The following TMEM229B variants were observed in gnomAD, a reference collection of about 807,000 sequenced individuals.
TMEM229B encodes the protein transmembrane protein 229B.
A neutral mutation model predicts 13.7 loss-of-function variants in TMEM229B; 6 were observed. That is an observed-to-expected ratio of 0.44 (90% CI 0.24 to 0.86). TMEM229B has a LOEUF of 0.86. Among genes scored for constraint, TMEM229B ranks in the 40% least tolerant of loss-of-function variants. The pLI is 0.23. For synonymous variants in TMEM229B, 107 were observed against 102.1 expected (o/e 1.05, Z -0.29); for missense variants, 170 against 236.0 (o/e 0.72, Z 1.83).
chr14:67,489,609 G>A (rs565290459), upstream of TMEM229B, among the ~76,000 whole-genome samples: 15 of 152,210 alleles, frequency 9.9e-5, no homozygotes, highest in Non-Finnish European at 2.1e-4. Context: ...TTGCGATGCC[G>A]TCCCACAACC....
In TMEM229B at chr14:67,526,278, T is replaced by A. The variant is rs576324406; in HGVS notation, c.-192+7358A>T. On this transcript the variant is annotated intron_variant, in intron 1 of 2. Transcript: ENST00000554278. ...GCTCTGTATCCCATCACTTTATCTG[T>A]AGCAGAGCAAAAAGGATCCTTGACT... Among the ~76,000 whole-genome samples, 5 of 152,188 alleles carry A rather than the reference T, an allele frequency of 3.3e-5. No individual in the cohort carries two copies. The South Asian group carries it at 8.3e-4, about 25-fold the overall frequency.
chr14:67,475,600 G>T (rs1174912584), intron 2 of TMEM229B, among the ~76,000 whole-genome samples: 1 of 152,144 alleles, frequency 6.6e-6, no homozygotes, highest in African/African-American at 2.4e-5. Context: ...ATGGGTGTGA[G>T]GTGGTTCTCT....
chr14:67,500,221 A>G (rs2032548810), intron 1 of TMEM229B, among the ~76,000 whole-genome samples: 1 of 152,106 alleles, frequency 6.6e-6, no homozygotes, highest in Non-Finnish European at 1.5e-5. Flanking sequence ...TATACCTGTA[A>G]TCCCAGCACT....
At chr14:67,497,850 C>G (rs959635704) in intron 1 of TMEM229B, among the ~76,000 whole-genome samples, 2 of 152,060 alleles carry the variant, frequency 1.3e-5, no homozygotes, top group Non-Finnish European at 2.9e-5. Context: ...ATGTTACATT[C>G]TCGGTGAGTC....
chr14:67,503,692 A>C (rs61988188), intron 1 of TMEM229B: 1 of 151,644 alleles, frequency 6.6e-6, no homozygotes, highest in Admixed American at 6.6e-5. Context: ...CTTTTTTTAA[A>C]TTATTTTTAT....
At chr14:67,519,729 T>TC (rs2033262633), upstream of TMEM229B, among the ~76,000 whole-genome samples, 1 of 145,300 alleles carries the variant, frequency 6.9e-6, no homozygotes. Context: ...TTTTTTTTTT[T>TC]ACTTTTTTTT....
rs948184741 is a variant in TMEM229B at position 67,473,357 on chromosome 14, C to T, written c.*63G>A. The stretch of plus-strand genomic sequence containing the variant: ...TGCTGCATGGATGGGGCAACCTCAC[C>T]AGCTTGGTCTCTTTGTCCATGAGTT... On this transcript the variant is annotated 3_prime_UTR_variant, in exon 3 of 3. Coordinates refer to ENST00000554480, the MANE Select transcript of TMEM229B (RefSeq NM_001348543.2). This position sits in a 1 kb window ranked among gnomAD's most constrained non-coding sequence, Gnocchi z 6.5. 3.8e-6 allele frequency: 6 copies of T among 1,575,718 alleles called. No individual in the cohort carries two copies. The Middle Eastern group carries it at 6.7e-4, about 176-fold the overall frequency.
intron 1 of TMEM229B, among the ~76,000 whole-genome samples, chr14:67,513,728 G>A (rs145517979): frequency 6.6e-6 from 1 of 152,246 alleles, no homozygotes; most frequent in East Asian, 1.9e-4. Flanking sequence ...CACCAGTCTA[G>A]GGCCCTCCAG....
upstream of TMEM229B, among the ~76,000 whole-genome samples, chr14:67,491,834 C>T (rs1270189091): frequency 6.6e-6 from 1 of 152,200 alleles, no homozygotes; most frequent in Non-Finnish European, 1.5e-5. Context: ...TTCCAGATTC[C>T]CTGAGGGGAA....
chr14:67,525,145 TAAC>T (rs2033347729), intron 1 of TMEM229B, among the ~76,000 whole-genome samples: 2 of 152,314 alleles, frequency 1.3e-5, no homozygotes, highest in Non-Finnish European at 2.9e-5. Context: ...AAGCAGAAAC[TAAC>T]AACATTATAT....
chr14:67,503,199 A>G (rs1435497779), intron 1 of TMEM229B, among the ~76,000 whole-genome samples: 1 of 152,230 alleles, frequency 6.6e-6, no homozygotes, highest in African/African-American at 2.4e-5. Flanking sequence ...AAGAGGAGTT[A>G]AAAGATCCTA....
chr14:67,518,089 A>G (rs897186775), upstream of TMEM229B, among the ~76,000 whole-genome samples: 5 of 152,202 alleles, frequency 3.3e-5, no homozygotes, highest in Admixed American at 3.3e-4. Context: ...AGGCACAGTA[A>G]TCATGGTTCT....
chr14:67,503,147 G>C (rs2032679371), intron 1 of TMEM229B, among the ~76,000 whole-genome samples: 1 of 152,152 alleles, frequency 6.6e-6, no homozygotes, highest in South Asian at 2.1e-4. Flanking sequence ...ACTGTCCTTT[G>C]CATAAAAGCA....
intron 1 of TMEM229B, among the ~76,000 whole-genome samples, chr14:67,494,510 C>G (rs151016287): frequency 1.0e-3 from 156 of 152,304 alleles, no homozygotes; most frequent in African/African-American, 3.7e-3. Context: ...AATCCAGGCA[C>G]AGGAAGGGCC....
chr14:67,508,172 C>T (rs889218039), intron 1 of TMEM229B, among the ~76,000 whole-genome samples: 4 of 151,056 alleles, frequency 2.6e-5, no homozygotes, highest in Non-Finnish European at 4.4e-5. Flanking sequence ...GTCCTAGTCC[C>T]CCTTCTTGAG....
At chr14:67,494,531 G>A (rs939061514) in intron 1 of TMEM229B, among the ~76,000 whole-genome samples, 6 of 152,168 alleles carry the variant, frequency 3.9e-5, no homozygotes, top group African/African-American at 1.4e-4. Flanking sequence ...CTGAATTGGT[G>A]GTTATTGAAT....
At chr14:67,474,265 C>CAAAA (rs142238210) in intron 2 of TMEM229B, among the ~76,000 whole-genome samples, 2,018 of 144,756 alleles carry the variant, frequency 0.014, 40 homozygotes, top group African/African-American at 0.047. Flanking sequence ...AAAAACAAAA[C>CAAAA]AAAAAAAAAA....
intron 2 of TMEM229B, among the ~76,000 whole-genome samples, chr14:67,486,239 T>C (rs1398405452): frequency 6.6e-6 from 1 of 152,224 alleles, no homozygotes; most frequent in Non-Finnish European, 1.5e-5. Context: ...ATGCTGTTCT[T>C]GTGATAGTGA....
intron 2 of TMEM229B, among the ~76,000 whole-genome samples, chr14:67,480,859 A>G (rs2031543492): frequency 6.6e-6 from 1 of 152,154 alleles, no homozygotes; most frequent in African/African-American, 2.4e-5. Flanking sequence ...CCCAGCTGGT[A>G]ACAGACGGGA....
Sources: gnomAD v4.1 joint callset for allele counts (sites outside exome capture counted in the v4.1 genomes callset) on GRCh38, gnomAD v4.1.1 for gene constraint, Gnocchi (gnomAD v3.1) non-coding constraint, MANE v1.5 for transcripts, NCBI Gene and HGNC (gene_info 2026-07-23, HGNC 2026-07-21) for gene names.